Variants in HIBADH observed in about 807,000 individuals in gnomAD.
HIBADH encodes the protein 3-hydroxyisobutyrate dehydrogenase, also known as 3-hydroxyisobutyrate dehydrogenase, mitochondrial.
Under a neutral mutation model 36.1 loss-of-function variants are expected in HIBADH, and 25 were observed. The ratio of observed to expected loss-of-function variants is 0.69; its 90% confidence interval spans 0.50 to 0.97. The LOEUF is 0.97. Ranked by LOEUF, HIBADH falls within the 50% of genes least tolerant of loss-of-function variation. The probability of loss-of-function intolerance (pLI) is 0.00; values close to 1 mark genes in which losing one functional copy is unlikely to be tolerated. For missense variants in HIBADH, 421 were observed against 418.0 expected, an observed-to-expected ratio of 1.01 and a Z score of -0.06; for synonymous variants, 160 against 149.5, an observed-to-expected ratio of 1.07 and a Z score of -0.51.
intron 4 of HIBADH, among the ~76,000 whole-genome samples, chr7:27,605,456 CTTT>C (rs751819411): frequency 2.1e-4 from 19 of 89,860 alleles, no homozygotes; most frequent in East Asian, 6.0e-4. Flanking sequence ...CCTGCTGACA[CTTT>C]TTTTTTTTTT....
At chr7:27,618,181 C>T (rs898055733) in intron 4 of HIBADH, among the ~76,000 whole-genome samples, 1 of 152,246 alleles carries the variant, frequency 6.6e-6, no homozygotes, top group East Asian at 1.9e-4. Context: ...GCTCTGTACA[C>T]TTGCTCCTGC....
In HIBADH at chr7:27,617,244, C is replaced by G. The variant is rs540951350; in HGVS notation, c.484+12127G>C. The stretch of plus-strand genomic sequence containing the variant: ...ACAAATACTTACCATTGTGTTACAA[C>G]TGCCTACAGTATTCAGTATAGTAAC... On this transcript the variant is annotated intron_variant, in intron 4 of 7. Transcript: ENST00000265395. Among the ~76,000 whole-genome samples the G allele has an allele frequency of 7.2e-5, 11 of 152,290 alleles. No individual in the cohort carries two copies. In the East Asian group the frequency reaches 1.7e-3, roughly 24 times the overall value.
intron 4 of HIBADH, among the ~76,000 whole-genome samples, chr7:27,599,484 G>A (rs2110527): frequency 6.6e-6 from 1 of 151,550 alleles, no homozygotes; most frequent in Non-Finnish European, 1.5e-5. Flanking sequence ...AGATCGAGAC[G>A]ATCCTGGCTA....
At chr7:27,649,719 A>AC (rs1786144310) in intron 1 of HIBADH, 86 bp from the exon 2 acceptor site, 2 of 1,043,964 alleles carry the variant, frequency 1.9e-6, no homozygotes, top group Non-Finnish European at 2.6e-6. Flanking sequence ...CAATTGTTAG[A>AC]TTTTTTTTTT....
chr7:27,590,830 C>T (rs1032830272), intron 4 of HIBADH, among the ~76,000 whole-genome samples: 4 of 152,100 alleles, frequency 2.6e-5, no homozygotes, highest in African/African-American at 7.2e-5. Context: ...TTTCTTATAC[C>T]ATTTAAGAAG....
intron 4 of HIBADH, among the ~76,000 whole-genome samples, chr7:27,549,701 T>C (rs1033552877): frequency 1.3e-5 from 2 of 152,204 alleles, no homozygotes; most frequent in Admixed American, 6.5e-5. Flanking sequence ...TCTTGCTTTA[T>C]ACCCTTTTCA....
intron 1 of HIBADH, among the ~76,000 whole-genome samples, chr7:27,651,951 G>C (rs1786203347): frequency 6.6e-6 from 1 of 152,016 alleles, no homozygotes; most frequent in Non-Finnish European, 1.5e-5. Context: ...TGGATAGGAG[G>C]GTAAGGAGGA....
chr7:27,593,692 G>C lies in HIBADH; in HGVS notation c.484+35679C>G, dbSNP rs151137219. 1.2e-3 allele frequency among the ~76,000 whole-genome samples: 180 copies of C among 151,928 alleles called. 1 individual carries two copies. Among genetic ancestry groups the C allele is most frequent in the Non-Finnish European group, 2.1e-3 (145 of 67,960 alleles). ...ATGTTTAATAACCAGTTAAGAAAGAGAGATAAAACTTACAAAAAGAGGCAA... is the reference window on the plus strand; with the variant it reads ...ATGTTTAATAACCAGTTAAGAAAGACAGATAAAACTTACAAAAAGAGGCAA... On this transcript the variant is annotated intron_variant, in intron 4 of 7. Coordinates refer to ENST00000265395, the MANE Select transcript of HIBADH (RefSeq NM_152740.4).
At chr7:27,630,180 T>C (rs937398698) in intron 3 of HIBADH, among the ~76,000 whole-genome samples, 3 of 152,204 alleles carry the variant, frequency 2.0e-5, no homozygotes, top group Admixed American at 1.3e-4. Flanking sequence ...ACCTAAATTA[T>C]AATTTATTTA....
chr7:27,630,587 T>TA (rs1372638518), intron 3 of HIBADH, among the ~76,000 whole-genome samples: 4 of 151,974 alleles, frequency 2.6e-5, no homozygotes, highest in Non-Finnish European at 4.4e-5. Flanking sequence ...ATCTTTCTAT[T>TA]AAAAAAATAG....
At chr7:27,529,835 T>TA (rs1479295179) in intron 7 of HIBADH, among the ~76,000 whole-genome samples, 9 of 152,328 alleles carry the variant, frequency 5.9e-5, no homozygotes, top group Non-Finnish European at 1.2e-4. Context: ...GCAGTAAACT[T>TA]AAACTTCATT....
chr7:27,647,307 C>G (rs1786090784), intron 2 of HIBADH, among the ~76,000 whole-genome samples: 1 of 152,154 alleles, frequency 6.6e-6, no homozygotes, highest in East Asian at 1.9e-4. Context: ...TTTCATCATG[C>G]TACTCAGAAC....
At chr7:27,662,579 TG>T (rs981830045) in intron 1 of HIBADH, 118 bp downstream of exon 1, 5 of 536,430 alleles carry the variant, frequency 9.3e-6, no homozygotes, top group African/African-American at 5.9e-5. Flanking sequence ...GCCAAAATAT[TG>T]TTTTTTAAGC....
chr7:27,636,492 G>C lies in HIBADH; in HGVS notation c.253-4047C>G, dbSNP rs539367152. On this transcript the variant is annotated intron_variant, in intron 2 of 7. Coordinates refer to ENST00000265395, the MANE Select transcript of HIBADH (RefSeq NM_152740.4). ...AACAATGATGGAGCCCACTCAGCAA[G>C]AGGCTTTTAAAGCTCTCATTTAACA... is the stretch of plus-strand genomic sequence containing the variant. Among the ~76,000 whole-genome samples the C allele has an allele frequency of 4.6e-5, 7 of 152,370 alleles. No homozygotes were observed. In the South Asian group the frequency reaches 1.4e-3, roughly 32 times the overall value.
intron 4 of HIBADH, among the ~76,000 whole-genome samples, chr7:27,587,882 A>G (rs1038492549): frequency 2.0e-5 from 3 of 152,244 alleles, no homozygotes; most frequent in African/African-American, 7.2e-5. Flanking sequence ...AGGTAAGAGA[A>G]AAAGAGTCCA....
intron 2 of HIBADH, among the ~76,000 whole-genome samples, chr7:27,640,658 A>T (rs1009540610): frequency 6.6e-6 from 1 of 152,176 alleles, no homozygotes; most frequent in Non-Finnish European, 1.5e-5. Context: ...ACCTAATCAC[A>T]GTTTCTGAAT....
At chr7:27,607,999 T>C (rs1216088155) in intron 4 of HIBADH, among the ~76,000 whole-genome samples, 1 of 152,130 alleles carries the variant, frequency 6.6e-6, no homozygotes, top group African/African-American at 2.4e-5. Context: ...TTAGGGGAAA[T>C]GAAATGTAAT....
chr7:27,660,039 C>T lies in HIBADH; in HGVS notation c.91+2659G>A, dbSNP rs115471390. On this transcript the variant is annotated intron_variant, in intron 1 of 7. Transcript: ENST00000265395. The stretch of plus-strand genomic sequence containing the variant: ...CCATTGTACTCCTGCCTGGACAACA[C>T]GGGGAGACCTGTCTCTAAAATGTAT... Among the ~76,000 whole-genome samples, 494 of 152,206 alleles carry T rather than the reference C, an allele frequency of 3.2e-3. 6 individuals carry two copies. Among genetic ancestry groups the T allele is most frequent in the African/African-American group, 0.011 (463 of 41,514 alleles).
chr7:27,653,144 A>G (rs1786228718), intron 1 of HIBADH, among the ~76,000 whole-genome samples: 1 of 152,198 alleles, frequency 6.6e-6, no homozygotes, highest in Admixed American at 6.5e-5. Context: ...AGAAAAAAAA[A>G]GGAATTCAAC....
Sources: gnomAD v4.1 joint callset for allele counts (sites outside exome capture counted in the v4.1 genomes callset) on GRCh38, gnomAD v4.1.1 for gene constraint, MANE v1.5 for transcripts, NCBI Gene and HGNC (gene_info 2026-07-23, HGNC 2026-07-21) for gene names.